Variants in LRP1B observed in about 807,000 individuals in gnomAD.
The protein encoded by LRP1B is low-density lipoprotein receptor-related protein 1B.
LRP1B carries 217 observed loss-of-function variants against 556.6 expected under a neutral mutation model. The observed-to-expected ratio is 0.39, with a 90% CI of 0.35 to 0.44. The LOEUF (loss-of-function observed/expected upper bound fraction) is 0.44, where lower values mean the gene tolerates loss of function less well. Among genes scored for constraint, LRP1B ranks in the 20% least tolerant of loss-of-function variants. The pLI, the probability that LRP1B is intolerant of heterozygous loss-of-function variation, is 1.00. For synonymous variants in LRP1B, 2,047 were observed against 1,865.8 expected (o/e 1.10, Z -2.50); for missense variants, 5,053 against 5,620.8 (o/e 0.90, Z 3.23).
chr2:140,443,765 G>T (rs1316954727), intron 65 of LRP1B, among the ~76,000 whole-genome samples: 2 of 152,102 alleles, frequency 1.3e-5, no homozygotes, highest in Non-Finnish European at 2.9e-5. Context: ...ATGGAAATAT[G>T]AGATGAAAAG....
At chr2:140,265,803 G>A (rs1224368890) in intron 86 of LRP1B, among the ~76,000 whole-genome samples, 1 of 151,982 alleles carries the variant, frequency 6.6e-6, no homozygotes, top group Non-Finnish European at 1.5e-5. Flanking sequence ...CCTCTGGTGA[G>A]GAGAATTGAC....
chr2:141,082,091 A>G (rs530447992), intron 7 of LRP1B, among the ~76,000 whole-genome samples: 2 of 151,506 alleles, frequency 1.3e-5, no homozygotes, highest in East Asian at 1.9e-4. Flanking sequence ...GTGTGAAATG[A>G]AAAAGAGAAA....
At chr2:141,615,485 A>C (rs978385463) in intron 2 of LRP1B, among the ~76,000 whole-genome samples, 2 of 152,220 alleles carry the variant, frequency 1.3e-5, no homozygotes, top group Admixed American at 6.5e-5. Context: ...AAACTAATGC[A>C]TTAGGCTGAA....
At chr2:141,020,218 C>G in intron 11 of LRP1B, 116 bp from the exon 12 acceptor site, 1 of 579,978 alleles carries the variant, frequency 1.7e-6, no homozygotes, top group Admixed American at 3.8e-5. Flanking sequence ...GAACTCTGAT[C>G]CATGAAATCT....
chr2:141,742,782 C>G (rs796958024), intron 2 of LRP1B, among the ~76,000 whole-genome samples: 1 of 152,050 alleles, frequency 6.6e-6, no homozygotes, highest in Non-Finnish European at 1.5e-5. Context: ...GTGTCCTCTT[C>G]AGTTTCTAGA....
At chr2:141,960,015 C>T (rs755345741) in intron 1 of LRP1B, among the ~76,000 whole-genome samples, 1 of 151,790 alleles carries the variant, frequency 6.6e-6, no homozygotes, top group Non-Finnish European at 1.5e-5. Context: ...CAGTGAAGAC[C>T]TATGTATACA....
chr2:141,117,106 TTTA>T lies in LRP1B; in HGVS notation c.1014-54836_1014-54834del, dbSNP rs766656383. ...CAGGAATGCCCCAAGTATCTTTTCATTTATCATTGACTTTTGTCACTAACACTT... is the reference window on the plus strand; with the variant it reads ...CAGGAATGCCCCAAGTATCTTTTCATTCATTGACTTTTGTCACTAACACTT... On this transcript the variant is annotated intron_variant, in intron 7 of 90. Coordinates refer to ENST00000389484, the MANE Select transcript of LRP1B (RefSeq NM_018557.3). Among the ~76,000 whole-genome samples the T allele has an allele frequency of 7.5e-3, 1,149 of 152,198 alleles. 8 individuals are homozygous for T. Among genetic ancestry groups the T allele is most frequent in the Non-Finnish European group, 0.013 (893 of 67,944 alleles).
intron 3 of LRP1B, among the ~76,000 whole-genome samples, chr2:141,400,319 A>G (rs1358899393): frequency 6.6e-6 from 1 of 152,194 alleles, no homozygotes; most frequent in African/African-American, 2.4e-5. Flanking sequence ...CTTATCATTT[A>G]AGGATTGTTT....
chr2:141,706,464 C>T (rs1485060311), intron 2 of LRP1B, among the ~76,000 whole-genome samples: 1 of 152,062 alleles, frequency 6.6e-6, no homozygotes, highest in Non-Finnish European at 1.5e-5. Context: ...AGTTACTAAG[C>T]AGTGACAGAA....
At chr2:141,468,952 C>A (rs967727581) in intron 3 of LRP1B, among the ~76,000 whole-genome samples, 2 of 152,056 alleles carry the variant, frequency 1.3e-5, no homozygotes, top group Admixed American at 6.6e-5. Context: ...TTTGGTCTGC[C>A]GCTTCATGGT....
At chr2:140,843,071 TTTTTTTTTTGTTTG>T (rs1559151554) in intron 29 of LRP1B, among the ~76,000 whole-genome samples, 8 of 63,656 alleles carry the variant, frequency 1.3e-4, no homozygotes, top group African/African-American at 2.3e-4. Flanking sequence ...TTTTTTGTTT[TTTTTTTTTTGTTTG>T]TTTTTTTTTT....
rs1226178799 is a variant in LRP1B, at chr2:141,818,493, T to C, written c.83-8092A>G. On this transcript the variant is annotated intron_variant, in intron 1 of 90. Coordinates refer to ENST00000389484, the MANE Select transcript of LRP1B (RefSeq NM_018557.3). ...AACATGCACTTTTAACTCTCCTTAA[T>C]ATTCTATTCACTTTCCCTAAATATA... Among the ~76,000 whole-genome samples the C allele has an allele frequency of 2.6e-5, 4 of 151,826 alleles. No homozygotes were observed. In the South Asian group the frequency reaches 6.2e-4, roughly 24 times the overall value.
rs78210209 is a variant in LRP1B, at chr2:141,628,972, T to A, written c.206-148439A>T. On this transcript the variant is annotated intron_variant, in intron 2 of 90. Coordinates refer to ENST00000389484, the MANE Select transcript of LRP1B (RefSeq NM_018557.3). ...GCTGAACAAGTGTTGTATGAGGATGTAGATACATTACTGCCTTTAATTTGT... is the reference window on the plus strand; with the variant it reads ...GCTGAACAAGTGTTGTATGAGGATGAAGATACATTACTGCCTTTAATTTGT... Among the ~76,000 whole-genome samples, 3 of 152,206 alleles carry A rather than the reference T, an allele frequency of 2.0e-5. No homozygotes were observed. The East Asian group carries it at 5.8e-4, about 29-fold the overall frequency.
chr2:140,494,103 C>CTT (rs916726775), intron 56 of LRP1B, among the ~76,000 whole-genome samples: 1 of 152,034 alleles, frequency 6.6e-6, no homozygotes, highest in African/African-American at 2.4e-5. Flanking sequence ...AAGATTTATG[C>CTT]TTTAACAAGC....
At chr2:140,323,064 G>A (rs1680238482) in intron 81 of LRP1B, among the ~76,000 whole-genome samples, 1 of 151,914 alleles carries the variant, frequency 6.6e-6, no homozygotes, top group African/African-American at 2.4e-5. Flanking sequence ...GAAGTGATTT[G>A]AATAAACACC....
intron 59 of LRP1B, among the ~76,000 whole-genome samples, chr2:140,483,960 T>C (rs1245910326): frequency 6.6e-6 from 1 of 152,082 alleles, no homozygotes; most frequent in Admixed American, 6.5e-5. Flanking sequence ...AAAAATAAAC[T>C]TTCTTATAAA....
intron 73 of LRP1B, among the ~76,000 whole-genome samples, chr2:140,358,559 C>A (rs1234936469): frequency 6.6e-6 from 1 of 151,528 alleles, no homozygotes; most frequent in Non-Finnish European, 1.5e-5. Flanking sequence ...AAACAAGGAG[C>A]ATTTAAAAAT....
intron 67 of LRP1B, among the ~76,000 whole-genome samples, chr2:140,379,382 T>C (rs1464079674): frequency 1.3e-5 from 2 of 152,138 alleles, no homozygotes; most frequent in Non-Finnish European, 2.9e-5. Context: ...TCATGAGGGT[T>C]CCTACATTCC....
At chr2:140,862,509 T>C (rs775366819) in intron 27 of LRP1B, among the ~76,000 whole-genome samples, 35 of 152,186 alleles carry the variant, frequency 2.3e-4, no homozygotes, top group Non-Finnish European at 3.8e-4. Flanking sequence ...ACCCTCTCTC[T>C]TAAAGCCATC....
Sources: allele counts gnomAD v4.1 joint callset (sites outside exome capture counted in the v4.1 genomes callset), GRCh38; gene constraint gnomAD v4.1.1; transcripts MANE v1.5; gene names NCBI Gene and HGNC (gene_info 2026-07-23, HGNC 2026-07-21).